The following CLASP2 variants were observed in gnomAD, a reference collection of about 807,000 sequenced individuals.
CLASP2 encodes CLIP-associating protein 2.
A neutral mutation model predicts 194.4 loss-of-function variants in CLASP2; 47 were observed. That is an observed-to-expected ratio of 0.24 (90% CI 0.19 to 0.31). The LOEUF is 0.31. Among genes scored for constraint, CLASP2 ranks in the 10% least tolerant of loss-of-function variants. The pLI, the probability that CLASP2 is intolerant of heterozygous loss-of-function variation, is 1.00. For synonymous variants in CLASP2, 619 were observed against 633.5 expected, an observed-to-expected ratio of 0.98 and a Z score of 0.34; for missense variants, 1,445 against 1,823.6, an observed-to-expected ratio of 0.79 and a Z score of 3.78.
chr3:33,643,149 A>T (rs1200743477), intron 8 of CLASP2, among the ~76,000 whole-genome samples: 1 of 151,948 alleles, frequency 6.6e-6, no homozygotes, highest in Non-Finnish European at 1.5e-5. Context: ...TAATATCAGA[A>T]TGATAGGTAA....
chr3:33,654,442 A>C (rs2083790728), intron 7 of CLASP2, among the ~76,000 whole-genome samples: 1 of 152,196 alleles, frequency 6.6e-6, no homozygotes, highest in African/African-American at 2.4e-5. Flanking sequence ...AGAATATAGA[A>C]TAAGAGAAAG....
chr3:33,546,735 T>C (rs1255522999), intron 30 of CLASP2, among the ~76,000 whole-genome samples: 1 of 152,222 alleles, frequency 6.6e-6, no homozygotes, highest in Non-Finnish European at 1.5e-5. Flanking sequence ...TTCTCCCTTA[T>C]ACTAGCCCAT....
At chr3:33,602,226 C>G (rs529874963) in intron 18 of CLASP2, among the ~76,000 whole-genome samples, 2 of 152,096 alleles carry the variant, frequency 1.3e-5, no homozygotes, top group South Asian at 4.1e-4. Context: ...TTTGGCCAGG[C>G]TGGTCACGAA....
At chr3:33,545,705 T>C (rs920721859) in intron 30 of CLASP2, among the ~76,000 whole-genome samples, 7 of 151,702 alleles carry the variant, frequency 4.6e-5, no homozygotes, top group Admixed American at 2.6e-4. Flanking sequence ...AGGTCAGGAG[T>C]TCGAGACCAG....
intron 30 of CLASP2, among the ~76,000 whole-genome samples, chr3:33,547,939 C>T (rs916688235): frequency 2.0e-5 from 3 of 151,834 alleles, no homozygotes; most frequent in Non-Finnish European, 4.4e-5. Context: ...CAGGTGTATG[C>T]CACCACACTC....
intron 37 of CLASP2, among the ~76,000 whole-genome samples, chr3:33,508,646 T>C (rs2048953339): frequency 6.6e-6 from 1 of 152,166 alleles, no homozygotes; most frequent in African/African-American, 2.4e-5. Flanking sequence ...ATTTTGTAAG[T>C]CAATAATTTC....
intron 1 of CLASP2, among the ~76,000 whole-genome samples, chr3:33,707,436 G>C (rs1034777186): frequency 1.3e-5 from 2 of 152,160 alleles, no homozygotes; most frequent in African/African-American, 4.8e-5. Flanking sequence ...TCAAATAACT[G>C]TAAATGGGGA....
intron 1 of CLASP2, among the ~76,000 whole-genome samples, chr3:33,713,483 C>T (rs760184525): frequency 1.3e-5 from 2 of 152,000 alleles, no homozygotes; most frequent in Non-Finnish European, 2.9e-5. Flanking sequence ...GGTAGATAAA[C>T]CTCATCTCTT....
At chr3:33,604,284 TG>T in intron 16 of CLASP2, 75 bp from the exon 17 acceptor site, 1 of 925,714 alleles carries the variant, frequency 1.1e-6, no homozygotes. Context: ...AAAATACTAC[TG>T]AATTTTGTGG....
At chr3:33,593,599 TA>T (rs758609692) in intron 20 of CLASP2, among the ~76,000 whole-genome samples, 127 of 152,182 alleles carry the variant, frequency 8.3e-4, no homozygotes, top group Non-Finnish European at 1.5e-3. Flanking sequence ...ATTGGTAGAA[TA>T]CCAGCATACT....
At chr3:33,532,626 G>C (rs2056572979) in intron 34 of CLASP2, among the ~76,000 whole-genome samples, 1 of 152,212 alleles carries the variant, frequency 6.6e-6, no homozygotes, top group South Asian at 2.1e-4. Context: ...GGTTATTAAT[G>C]TACCAATGAT....
intron 36 of CLASP2, among the ~76,000 whole-genome samples, chr3:33,513,749 T>G (rs2154095771): frequency 6.6e-6 from 1 of 152,346 alleles, no homozygotes; most frequent in East Asian, 1.9e-4. Context: ...CTAATGATGT[T>G]GAACATCTTT....
Position 33,607,391 on chromosome 3 carries a change from C to T in CLASP2, c.1519G>A (p.Ala507Thr), listed in dbSNP as rs771142357. The T allele has an allele frequency of 1.2e-6, 2 of 1,606,256 alleles. No homozygotes were observed. The highest frequency in any genetic ancestry group is 2.2e-5 in the South Asian group (2 of 89,414). ...TATACTACACTGACTTACTTTCTTG[C>T]CTCCACTCTGGCCTCAGCGTCAGCA... is the stretch of plus-strand genomic sequence containing the variant. ...HDADAEARVE[A>T]RKTYMGLRNH... Residue 507 changes from alanine to threonine, a missense_variant, in exon 15 of 39, where the codon GCA (alanine) becomes ACA (threonine). By Grantham distance (58) the Ala-to-Thr change is moderately conservative. Coordinates refer to ENST00000682230, the MANE Select transcript of CLASP2 (RefSeq NM_001365631.1).
At chr3:33,568,553 CAAAAAAA>C (rs568821764) in intron 26 of CLASP2, among the ~76,000 whole-genome samples, 1 of 56,844 alleles carries the variant, frequency 1.8e-5, no homozygotes, top group East Asian at 6.6e-4. Context: ...GATCTTGTCT[CAAAAAAA>C]AAAAAAAAAA....
chr3:33,565,539 C>T (rs1225281439), intron 27 of CLASP2, among the ~76,000 whole-genome samples: 4 of 152,094 alleles, frequency 2.6e-5, no homozygotes, highest in South Asian at 4.1e-4. Context: ...ATAGGCTGGG[C>T]GTGGTGGCTC....
At chr3:33,573,410 A>G in intron 24 of CLASP2, 56 bp from the exon 25 acceptor site, 1 of 1,557,934 alleles carries the variant, frequency 6.4e-7, no homozygotes, top group Non-Finnish European at 8.8e-7. Context: ...TTGGTATTTC[A>G]TAATTTCTAC....
intron 31 of CLASP2, 40 bp from the exon 32 acceptor site, chr3:33,543,579 T>G: frequency 3.2e-6 from 4 of 1,260,858 alleles, no homozygotes; most frequent in South Asian, 1.2e-5. Context: ...ATATTACAGG[T>G]AAGTTCACTT....
At chr3:33,576,133 G>C in intron 24 of CLASP2, 36 bp downstream of exon 24, 1 of 1,535,710 alleles carries the variant, frequency 6.5e-7, no homozygotes, top group Non-Finnish European at 9.0e-7. Context: ...TTCGTAATTG[G>C]AACATTTATA....
At chr3:33,511,028 G>GTTTTTTTTTTTTTTTTTTT (rs1559793135) in intron 36 of CLASP2, among the ~76,000 whole-genome samples, 3 of 141,170 alleles carry the variant, frequency 2.1e-5, no homozygotes, top group Non-Finnish European at 4.6e-5. Flanking sequence ...GTTGGCTAAA[G>GTTTTTTTTTTTTTTTTTTT]TATTTTTTTT....
Sources: allele counts gnomAD v4.1 joint callset (sites outside exome capture counted in the v4.1 genomes callset), GRCh38; gene constraint gnomAD v4.1.1; transcripts MANE v1.5; gene names NCBI Gene and HGNC (gene_info 2026-07-23, HGNC 2026-07-21).